Variants in RGS6 observed in about 807,000 individuals in gnomAD.
RGS6 encodes the protein regulator of G-protein signaling 6.
Under a neutral mutation model 78.5 loss-of-function variants are expected in RGS6, and 30 were observed. That is an observed-to-expected ratio of 0.38 (90% CI 0.29 to 0.52). The LOEUF is 0.52. RGS6 is among the 20% of genes least tolerant of loss of function. The pLI is 0.85. For synonymous variants in RGS6, 206 were observed against 206.0 expected (o/e 1.00, Z 0.00); for missense variants, 495 against 609.7 (o/e 0.81, Z 1.98).
At chr14:72,089,944 G>A (rs1567182378) in intron 2 of RGS6, among the ~76,000 whole-genome samples, 1 of 152,044 alleles carries the variant, frequency 6.6e-6, no homozygotes, top group Non-Finnish European at 1.5e-5. Context: ...AAGGGAGATT[G>A]GAAACAGCTT....
chr14:72,622,679 C>T, the RGS6 span, among the ~76,000 whole-genome samples: 7 of 152,008 alleles, frequency 4.6e-5, no homozygotes, highest in African/African-American at 1.7e-4. Flanking sequence ...CAAGAGCCCC[C>T]AGCTTATGCT....
chr14:72,125,260 CTG>C (rs1013970151), intron 2 of RGS6, among the ~76,000 whole-genome samples: 3 of 152,272 alleles, frequency 2.0e-5, no homozygotes, highest in South Asian at 4.1e-4. Flanking sequence ...TGGGTGAAAA[CTG>C]TGCATCTTAT....
intron 2 of RGS6, among the ~76,000 whole-genome samples, chr14:72,093,785 G>A (rs2153507651): frequency 6.6e-6 from 1 of 152,222 alleles, no homozygotes; most frequent in African/African-American, 2.4e-5. Flanking sequence ...ATGCACGTGA[G>A]CAAGCATTCT....
At chr14:72,211,251 T>G (rs1175402562) in intron 2 of RGS6, among the ~76,000 whole-genome samples, 1 of 152,192 alleles carries the variant, frequency 6.6e-6, no homozygotes, top group Non-Finnish European at 1.5e-5. Flanking sequence ...GAAAGTGTTT[T>G]AAAAAGGAAG....
chr14:72,220,447 T>C (rs556889520), intron 2 of RGS6, among the ~76,000 whole-genome samples: 2 of 152,182 alleles, frequency 1.3e-5, no homozygotes, highest in Non-Finnish European at 2.9e-5. Flanking sequence ...TTGTACCTAA[T>C]GGACTGTCAA....
chr14:72,487,544 G>T (rs2096511026), intron 12 of RGS6, among the ~76,000 whole-genome samples: 1 of 152,180 alleles, frequency 6.6e-6, no homozygotes, highest in South Asian at 2.1e-4. Context: ...ATAATCACAG[G>T]TTCCCGGAAA....
At chr14:72,143,501 G>C (rs186326475) in intron 2 of RGS6, among the ~76,000 whole-genome samples, 1 of 152,186 alleles carries the variant, frequency 6.6e-6, no homozygotes, top group African/African-American at 2.4e-5. Context: ...GAAACTATTG[G>C]CCTTTTGCTG....
At chr14:72,004,745 A>AC (rs1373257035) in intron 2 of RGS6, among the ~76,000 whole-genome samples, 1 of 151,934 alleles carries the variant, frequency 6.6e-6, no homozygotes, top group Non-Finnish European at 1.5e-5. Flanking sequence ...GAATCACTTG[A>AC]CCCCCAGGAG....
chr14:72,042,908 T>C (rs1197163239), intron 2 of RGS6, among the ~76,000 whole-genome samples: 1 of 152,184 alleles, frequency 6.6e-6, no homozygotes. Flanking sequence ...TTTTAGAACT[T>C]TTTCTACCTT....
intron 2 of RGS6, among the ~76,000 whole-genome samples, chr14:71,985,391 G>A (rs2094659695): frequency 6.6e-6 from 1 of 151,964 alleles, no homozygotes; most frequent in South Asian, 2.1e-4. Flanking sequence ...CAGAGTGCGG[G>A]GATTACAGCT....
At chr14:72,196,603 G>A (rs1396343410) in intron 2 of RGS6, among the ~76,000 whole-genome samples, 1 of 152,160 alleles carries the variant, frequency 6.6e-6, no homozygotes, top group African/African-American at 2.4e-5. Context: ...TGAAGAAAAA[G>A]CAAGAAAAGG....
chr14:72,271,167 A>T (rs546935809), intron 2 of RGS6, among the ~76,000 whole-genome samples: 1 of 152,178 alleles, frequency 6.6e-6, no homozygotes. Context: ...ATCTGTTCTC[A>T]TGCTGCCAAT....
In RGS6 at chr14:72,152,510, T is replaced by A. The variant is rs149192198; in HGVS notation, c.84+187635T>A. 2.0e-5 allele frequency among the ~76,000 whole-genome samples: 3 copies of A among 152,276 alleles called. No homozygotes were observed. The South Asian group carries it at 6.2e-4, about 32-fold the overall frequency. ...GAGACCACTTGGTTCAGCTCTGTAA[T>A]AGGGTTTCTGGCTTCCTGTGGGGCT... On this transcript the variant is annotated intron_variant, in intron 2 of 17. Transcript: ENST00000553525.
rs2097709041 is a variant in RGS6, at chr14:72,566,081, G to A, written c.*3614G>A. 1 of 152,148 alleles carries A rather than the reference G, an allele frequency of 6.6e-6. No homozygotes were observed. Among genetic ancestry groups the A allele is most frequent in the Non-Finnish European group, 1.5e-5 (1 of 68,048 alleles). The allele number at this position is 152,148 out of a possible 1,614,324, so 9.4% of individuals were successfully genotyped here. On this transcript the variant is annotated 3_prime_UTR_variant, in exon 18 of 18. Coordinates refer to ENST00000553525, the MANE Select transcript of RGS6 (RefSeq NM_001204424.2). ...GACGAATCACTAATAACTCACCATG[G>A]GACCCTCTGAAGAGAGGCCTGTGCT...
chr14:72,610,859 A>G, the RGS6 span, among the ~76,000 whole-genome samples: 1 of 152,216 alleles, frequency 6.6e-6, no homozygotes, highest in Non-Finnish European at 1.5e-5. Flanking sequence ...GAAAGGGTCC[A>G]AGTCAGAGGC....
At chr14:72,098,314 A>G (rs2095452302) in intron 2 of RGS6, among the ~76,000 whole-genome samples, 1 of 152,208 alleles carries the variant, frequency 6.6e-6, no homozygotes, top group Non-Finnish European at 1.5e-5. Context: ...CCTCTTGGCT[A>G]AGATAATAGG....
chr14:72,333,060 G>A (rs926958653), intron 2 of RGS6, among the ~76,000 whole-genome samples: 2 of 152,150 alleles, frequency 1.3e-5, no homozygotes, highest in African/African-American at 4.8e-5. Context: ...CATTTCACAC[G>A]CATAATCTCA....
At chr14:72,276,693 T>C (rs975744919) in intron 2 of RGS6, among the ~76,000 whole-genome samples, 4 of 152,182 alleles carry the variant, frequency 2.6e-5, no homozygotes, top group African/African-American at 7.2e-5. Context: ...CTTTCACTTC[T>C]CATTTTCCTT....
At chr14:72,168,060 T>C (rs766894999) in intron 2 of RGS6, among the ~76,000 whole-genome samples, 1 of 152,344 alleles carries the variant, frequency 6.6e-6, no homozygotes, top group Non-Finnish European at 1.5e-5. Flanking sequence ...ACATTTTTAT[T>C]ACCTAATACT....
Sources: gnomAD v4.1 joint callset for allele counts (sites outside exome capture counted in the v4.1 genomes callset) on GRCh38, gnomAD v4.1.1 for gene constraint, MANE v1.5 for transcripts, NCBI Gene and HGNC (gene_info 2026-07-23, HGNC 2026-07-21) for gene names.